Variants in MAP3K7 observed in about 807,000 individuals in gnomAD.
The protein encoded by MAP3K7 is TGF-beta activated kinase 1.
In MAP3K7, 21 loss-of-function variants were observed where a neutral mutation model predicts 84.8. The ratio of observed to expected loss-of-function variants is 0.25; its 90% confidence interval spans 0.18 to 0.36. The LOEUF (loss-of-function observed/expected upper bound fraction) is 0.36, where lower values mean the gene tolerates loss of function less well. MAP3K7 is among the 10% of genes least tolerant of loss of function. The pLI is 1.00. For missense variants in MAP3K7, 503 were observed against 747.7 expected (o/e 0.67, Z 3.82); for synonymous variants, 241 against 247.7 (o/e 0.97, Z 0.25).
At chr6:90,519,737 A>G (rs205341) in intron 14 of MAP3K7, among the ~76,000 whole-genome samples, 54,345 of 151,042 alleles carry the variant, frequency 0.36, 10,072 homozygotes, top group African/African-American at 0.46. Flanking sequence ...GCTAATATCA[A>G]TGTTCCTTAA....
chr6:90,568,505 C>T lies in MAP3K7; in HGVS notation c.297+53G>A, dbSNP rs1776791903. 1.4e-6 allele frequency: 2 copies of T among 1,431,884 alleles called. 1 individual carries two copies. The highest frequency in any genetic ancestry group is 2.5e-5 in the South Asian group (2 of 78,636). 88.7% of individuals were successfully genotyped at this position (1,431,884 alleles called of 1,614,324 possible). ...AAAATAGCTACATAAACTACACACA[C>T]ACATCTGCCATGTCATTTCTCACAG... On this transcript the variant is annotated intron_variant, in intron 3 of 16. Coordinates refer to ENST00000369329, the MANE Select transcript of MAP3K7 (RefSeq NM_145331.3).
intron 13 of MAP3K7, among the ~76,000 whole-genome samples, chr6:90,531,500 A>C (rs1775503641): frequency 6.6e-6 from 1 of 152,244 alleles, no homozygotes; most frequent in African/African-American, 2.4e-5. Context: ...TATGGTAGTT[A>C]CAGATAATTA....
At chr6:90,542,660 A>G (rs889080264) in intron 12 of MAP3K7, 1 of 158,626 alleles carries the variant, frequency 6.3e-6, no homozygotes, top group African/African-American at 2.4e-5. Context: ...ACCACTAAAC[A>G]TCATCAGATC....
chr6:90,546,290 G>GA (rs1217138614), intron 11 of MAP3K7, among the ~76,000 whole-genome samples: 1 of 151,384 alleles, frequency 6.6e-6, no homozygotes, highest in Non-Finnish European at 1.5e-5. Flanking sequence ...ATTCTATTTA[G>GA]AAAAAAACCA....
At chr6:90,532,876 T>A (rs1229514450) in intron 13 of MAP3K7, among the ~76,000 whole-genome samples, 1 of 152,198 alleles carries the variant, frequency 6.6e-6, no homozygotes, top group Admixed American at 6.5e-5. Context: ...GAAGCCAAAA[T>A]ACCTAAATGT....
Position 90,561,602 on chromosome 6 carries a change from A to T in MAP3K7, c.343+20T>A, listed in dbSNP as rs369805666. 1.7e-4 allele frequency: 271 copies of T among 1,574,908 alleles called. No individual in the cohort carries two copies. The highest frequency in any genetic ancestry group is 2.2e-4 in the Non-Finnish European group (252 of 1,148,806). ...AATTATTTTAATCCACTAGATAAAG[A>T]CAGGTCTAATGACACTCACCATTAT... On this transcript the variant is annotated intron_variant, in intron 4 of 16. Transcript: ENST00000369329.
At chr6:90,575,636 A>G (rs1207089200) in intron 1 of MAP3K7, among the ~76,000 whole-genome samples, 3 of 152,140 alleles carry the variant, frequency 2.0e-5, no homozygotes, top group African/African-American at 7.2e-5. Flanking sequence ...GCGGTAGGGC[A>G]GAGTGTTGGG....
intron 1 of MAP3K7, among the ~76,000 whole-genome samples, chr6:90,581,695 C>A (rs952302038): frequency 1.3e-5 from 2 of 152,156 alleles, no homozygotes; most frequent in Non-Finnish European, 2.9e-5. Context: ...TACCTCTTAA[C>A]TATAGTAATT....
At chr6:90,561,517 A>T in intron 4 of MAP3K7, 105 bp downstream of exon 4, 1 of 756,740 alleles carries the variant, frequency 1.3e-6, no homozygotes, top group African/African-American at 1.8e-5. Flanking sequence ...CCCTTTTGGG[A>T]CTCTGACGGC....
intron 3 of MAP3K7, among the ~76,000 whole-genome samples, chr6:90,565,533 T>G (rs1582223664): frequency 6.6e-6 from 1 of 152,086 alleles, no homozygotes; most frequent in African/African-American, 2.4e-5. Context: ...AATCCCTGAA[T>G]AGACCAATAA....
intron 3 of MAP3K7, among the ~76,000 whole-genome samples, chr6:90,567,302 G>A (rs9362750): frequency 0.04 from 6,041 of 152,184 alleles, 150 homozygotes; most frequent in African/African-American, 0.065. Flanking sequence ...GAAAATTTTT[G>A]CAATCTACGC....
chr6:90,550,516 G>C lies in MAP3K7; in HGVS notation c.901C>G (p.Pro301Ala). 6.2e-7 allele frequency: 1 copy of C among 1,611,568 alleles called. No individual in the cohort carries two copies. Among genetic ancestry groups the C allele is most frequent in the East Asian group, 2.2e-5 (1 of 44,750 alleles). ...TGTCCTTCATCTGAATACTGACAAG[G>C]ATACTGTAATGGCTCATCTGCTCCT... ...FPGADEPLQY[P>A]CQYSDEGQSN... Residue 301 changes from proline (P) to alanine (A), a missense_variant, in exon 9 of 17, where the codon CCT becomes GCT. Coordinates refer to ENST00000369329, the MANE Select transcript of MAP3K7 (RefSeq NM_145331.3).
chr6:90,564,464 A>G (rs1270995640), intron 3 of MAP3K7, among the ~76,000 whole-genome samples: 1 of 152,166 alleles, frequency 6.6e-6, no homozygotes, highest in Admixed American at 6.5e-5. Context: ...AGATCAAAAG[A>G]GACAAAGAAG....
chr6:90,556,629 T>TAA lies in MAP3K7; in HGVS notation c.483-6_483-5insTT. The TAA allele has an allele frequency of 1.3e-6, 2 of 1,550,466 alleles. No homozygotes were observed. The highest frequency in any genetic ancestry group is 8.6e-7 in the Non-Finnish European group (1 of 1,158,024). On this transcript the variant is annotated splice_region_variant and splice_polypyrimidine_tract_variant and intron_variant, in intron 5 of 16. Coordinates refer to ENST00000369329, the MANE Select transcript of MAP3K7 (RefSeq NM_145331.3). ...CCCCCTGCAACCAGCAGTAAGCTGT[T>TAA]TAAAAAAAAACAAAAAACATCAAAA...
At chr6:90,569,346 T>C (rs1215512777) in intron 2 of MAP3K7, among the ~76,000 whole-genome samples, 1 of 152,186 alleles carries the variant, frequency 6.6e-6, no homozygotes, top group Non-Finnish European at 1.5e-5. Context: ...CAACCTGAAC[T>C]GCTGCAGTGA....
chr6:90,538,220 A>G (rs1270341120), intron 12 of MAP3K7, among the ~76,000 whole-genome samples: 2 of 151,902 alleles, frequency 1.3e-5, no homozygotes, highest in Non-Finnish European at 1.5e-5. Flanking sequence ...CAATCAACAA[A>G]TACTTGTTGC....
In MAP3K7 at chr6:90,516,421, G is replaced by A; in HGVS notation, c.*80C>T. The A allele has an allele frequency of 1.4e-6, 2 of 1,439,504 alleles. No homozygotes were observed. Among genetic ancestry groups the A allele is most frequent in the Non-Finnish European group, 1.9e-6 (2 of 1,043,722 alleles). The allele number at this position is 1,439,504 out of a possible 1,614,324, so 89.2% of individuals were successfully genotyped here. On this transcript the variant is annotated 3_prime_UTR_variant, in exon 17 of 17. Transcript: ENST00000369329. ...AACACGCCAAAAAGCTAACACTCAT[G>A]AATCGTCATTATAAGGTTTTCCTTT...
At chr6:90,572,505 G>A (rs571924008) in intron 1 of MAP3K7, among the ~76,000 whole-genome samples, 86 of 151,764 alleles carry the variant, frequency 5.7e-4, no homozygotes, top group African/African-American at 2.0e-3. Context: ...ACCTGGGTCC[G>A]AGGGTGAAAA....
chr6:90,586,373 C>A (rs1366489710), intron 1 of MAP3K7, among the ~76,000 whole-genome samples: 1 of 94,588 alleles, frequency 1.1e-5, no homozygotes, highest in Non-Finnish European at 2.3e-5. Flanking sequence ...AGCGAGACTC[C>A]GTCTCAAAAA....
Sources: allele counts gnomAD v4.1 joint callset (sites outside exome capture counted in the v4.1 genomes callset), GRCh38; gene constraint gnomAD v4.1.1; transcripts MANE v1.5; gene names NCBI Gene and HGNC (gene_info 2026-07-23, HGNC 2026-07-21).